SNX1: variants seen among roughly 807,000 people sequenced by gnomAD.
SNX1 encodes the protein sorting nexin-1.
Under a neutral mutation model 71.8 loss-of-function variants are expected in SNX1, and 36 were observed. The ratio of observed to expected loss-of-function variants is 0.50; its 90% CI spans 0.38 to 0.66. The LOEUF (loss-of-function observed/expected upper bound fraction) is 0.66. Ranked by LOEUF, SNX1 falls within the 30% of genes least tolerant of loss-of-function variation. The pLI, the probability that SNX1 is intolerant of heterozygous loss-of-function variation, is 0.00. For missense variants in SNX1, 612 were observed against 646.7 expected (o/e 0.95, Z 0.58); for synonymous variants, 254 against 240.7 (o/e 1.06, Z -0.51).
At chr15:64,104,160 A>G (rs1305578563) in intron 1 of SNX1, among the ~76,000 whole-genome samples, 1 of 152,216 alleles carries the variant, frequency 6.6e-6, no homozygotes, top group Non-Finnish European at 1.5e-5. Context: ...TGAAATACAT[A>G]AACTCATTAA....
rs1408663569 is a variant in SNX1, at chr15:64,096,267, G to T, written c.159+95G>T. The T allele has an allele frequency of 3.5e-6, 5 of 1,410,446 alleles. No homozygotes were observed. The South Asian group carries it at 6.5e-5, about 18-fold the overall frequency. The allele number at this position is 1,410,446 out of a possible 1,614,324, so 87.4% of individuals were successfully genotyped here. On this transcript the variant is annotated intron_variant, in intron 1 of 14. Transcript: ENST00000559844. ...CGGGGAGGTTGGGCAGAGTGGGCCC[G>T]GTGAGACCTTGCCTCGGTGTCAGCA...
At position 64,127,711 on chromosome 15, in the gene SNX1, G is replaced by C. The variant is rs1240523701; in HGVS notation, c.732-20G>C. On this transcript the variant is annotated intron_variant, in intron 7 of 14. Coordinates refer to ENST00000559844, the MANE Select transcript of SNX1 (RefSeq NM_003099.5). The stretch of plus-strand genomic sequence containing the variant: ...CTGAGGCCAGCTCAACTAACCAGAT[G>C]ATAACTGCTTACCTTTTAGGTACCT... 4 of 1,603,148 alleles carry C rather than the reference G, an allele frequency of 2.5e-6. No individual in the cohort carries two copies. Among genetic ancestry groups the C allele is most frequent in the Non-Finnish European group, 3.4e-6 (4 of 1,170,058 alleles).
At chr15:64,136,598 C>T (rs1222795095) in intron 13 of SNX1, among the ~76,000 whole-genome samples, 188 bp downstream of exon 13, 5 of 152,096 alleles carry the variant, frequency 3.3e-5, no homozygotes, top group African/African-American at 4.8e-5. Context: ...ACACTTGTGG[C>T]TGGACCACAG....
At chr15:64,127,503 A>G (rs2081265769) in intron 7 of SNX1, among the ~76,000 whole-genome samples, 1 of 152,204 alleles carries the variant, frequency 6.6e-6, no homozygotes, top group South Asian at 2.1e-4. Context: ...TCAAATATGA[A>G]TGGCTCTGAG....
chr15:64,112,808 T>A, intron 2 of SNX1, 124 bp downstream of exon 2: 1 of 575,854 alleles, frequency 1.7e-6, no homozygotes, highest in Non-Finnish European at 3.0e-6. Context: ...AGTACTTTTG[T>A]GGAGGATTCC....
chr15:64,109,719 G>A (rs1761258488), intron 1 of SNX1, among the ~76,000 whole-genome samples: 1 of 152,088 alleles, frequency 6.6e-6, no homozygotes, highest in Non-Finnish European at 1.5e-5. Context: ...TGTTGGCCAG[G>A]CTGGTCTCAA....
chr15:64,106,043 T>C (rs115321710), intron 1 of SNX1, among the ~76,000 whole-genome samples: 1,754 of 152,292 alleles, frequency 0.012, 32 homozygotes, highest in African/African-American at 0.041. Context: ...TAAATTAAAA[T>C]GATTTTACAT....
intron 10 of SNX1, among the ~76,000 whole-genome samples, chr15:64,130,641 C>T (rs1050141889): frequency 1.3e-5 from 2 of 152,192 alleles, no homozygotes; most frequent in Non-Finnish European, 2.9e-5. Context: ...CATGCTTGAG[C>T]TACATGGTCA....
At chr15:64,102,761 CTTTTTTTTTTTT>C (rs60616312) in intron 1 of SNX1, among the ~76,000 whole-genome samples, 20 of 76,410 alleles carry the variant, frequency 2.6e-4, no homozygotes, top group African/African-American at 4.3e-4. Flanking sequence ...ACCACGCCTT[CTTTTTTTTTTTT>C]TTTTTTTTTT....
At position 64,129,912 on chromosome 15, in the gene SNX1, G is replaced by C. The variant is rs188560743; in HGVS notation, c.808-4G>C. ...TTGCCATCCCTGCCTTCTTGGTCTT[G>C]TAGCTGCCACGTGCCGTGGGTACCC... On this transcript the variant is annotated splice_region_variant and splice_polypyrimidine_tract_variant and intron_variant, in intron 8 of 14. Coordinates refer to ENST00000559844, the MANE Select transcript of SNX1 (RefSeq NM_003099.5). The surrounding 1 kb of genome is among the most constrained non-coding windows in gnomAD (Gnocchi z 4.4). 3,695 of 1,612,146 alleles carry C rather than the reference G, an allele frequency of 2.3e-3. 17 individuals are homozygous for C. The highest frequency in any genetic ancestry group is 0.011 in the Middle Eastern group (67 of 6,000).
chr15:64,127,588 G>A, intron 7 of SNX1, 143 bp from the exon 8 acceptor site: 1 of 636,790 alleles, frequency 1.6e-6, no homozygotes, highest in Non-Finnish European at 2.8e-6. Context: ...TGCTTACAAG[G>A]AGAGACCTAC....
rs761270016 is a variant in SNX1, at chr15:64,112,612, C to A, written c.199C>A (p.Pro67Thr). 6.2e-6 allele frequency: 10 copies of A among 1,613,018 alleles called. No homozygotes were observed. The Admixed American group carries it at 6.7e-5, about 11-fold the overall frequency. Residue 67 changes from proline (P) to threonine (T), a missense_variant, in exon 2 of 15, where the codon CCC (proline) becomes ACC (threonine). Physicochemically the swap from Pro to Thr is conservative, Grantham distance 38. Around this residue, in one of 2 missense-constraint regions of SNX1, gnomAD observed 316 missense variants for 284.9 expected, o/e 1.11. Transcript: ENST00000559844. ...QSPKITTSLL[P>T]INNGSKENGI... The stretch of plus-strand genomic sequence containing the variant: ...TCCAAAGATAACTACATCCCTTCTT[C>A]CCATCAACAATGGCTCCAAAGAAAA...
At chr15:64,124,303 G>A (rs144666508) in intron 5 of SNX1, among the ~76,000 whole-genome samples, 2 of 150,996 alleles carry the variant, frequency 1.3e-5, no homozygotes, top group East Asian at 3.9e-4. Flanking sequence ...TCAGGAGATC[G>A]AGACCATCCT....
At position 64,142,497 on chromosome 15, in the gene SNX1, G is replaced by T. The variant is rs961057814; in HGVS notation, c.*4879G>T. 7.6e-5 allele frequency: 26 copies of T among 343,306 alleles called. No individual in the cohort carries two copies. Among genetic ancestry groups the T allele is most frequent in the Non-Finnish European group, 1.4e-4 (24 of 172,114 alleles). The allele number at this position is 343,306 out of a possible 1,614,324, so 21.3% of individuals were successfully genotyped here. ...CAGAGCCATGTTTGGAAGAAAATGG[G>T]GTCCAGAGCACAGGAAGGGGACCTG... is the stretch of plus-strand genomic sequence containing the variant. On this transcript the variant is annotated 3_prime_UTR_variant, in exon 15 of 15. Coordinates refer to ENST00000559844, the MANE Select transcript of SNX1 (RefSeq NM_003099.5).
chr15:64,128,454 G>A (rs1368488959), intron 8 of SNX1, among the ~76,000 whole-genome samples: 1 of 152,194 alleles, frequency 6.6e-6, no homozygotes, highest in African/African-American at 2.4e-5. Context: ...AAACACTGGA[G>A]TGAAATGTTT....
chr15:64,115,412 AT>A (rs149191022), intron 2 of SNX1, among the ~76,000 whole-genome samples: 2,195 of 152,322 alleles, frequency 0.014, 56 homozygotes, highest in African/African-American at 0.05. Context: ...TTTTTAAATA[AT>A]AAATCTAGTG....
At chr15:64,116,537 T>A (rs1169807628) in intron 2 of SNX1, among the ~76,000 whole-genome samples, 1 of 152,212 alleles carries the variant, frequency 6.6e-6, no homozygotes, top group Admixed American at 6.5e-5. Context: ...GTGATTAGAA[T>A]ACTGATCTGG....
Position 64,142,629 on chromosome 15 carries a change from G to C in SNX1, c.*5011G>C, listed in dbSNP as rs1206713541. ...TTGATAATTAAAATTTTCTGAGATA[G>C]GAATGTCATATTTACCTATTTAAGC... is the stretch of plus-strand genomic sequence containing the variant. On this transcript the variant is annotated 3_prime_UTR_variant, in exon 15 of 15. Coordinates refer to ENST00000559844, the MANE Select transcript of SNX1 (RefSeq NM_003099.5). 6.6e-6 allele frequency: 3 copies of C among 455,858 alleles called. No individual in the cohort carries two copies. The East Asian group carries it at 2.1e-4, about 32-fold the overall frequency. 28.2% of individuals were successfully genotyped at this position (455,858 alleles called of 1,614,324 possible). A position where few individuals can be genotyped will look rare whatever the true frequency, so the allele number is the denominator to read the frequency against.
Position 64,134,992 on chromosome 15 carries a change from C to T in SNX1, c.1365+185C>T, listed in dbSNP as rs1465719984. ...CTTCCTGAGGCCTAGTCCCCCTGTT[C>T]TTTTTCTACTCTACGCAGACTTGTC... is the stretch of plus-strand genomic sequence containing the variant. On this transcript the variant is annotated intron_variant, in intron 12 of 14. Coordinates refer to ENST00000559844, the MANE Select transcript of SNX1 (RefSeq NM_003099.5). The surrounding 1 kb of genome is among the most constrained non-coding windows in gnomAD (Gnocchi z 4.1). 1.5e-5 allele frequency: 10 copies of T among 682,884 alleles called. No individual in the cohort carries two copies. Among genetic ancestry groups the T allele is most frequent in the Non-Finnish European group, 2.4e-5 (10 of 418,596 alleles). The allele number at this position is 682,884 out of a possible 1,614,324, so 42.3% of individuals were successfully genotyped here.
Sources: gnomAD v4.1 joint callset for allele counts (sites outside exome capture counted in the v4.1 genomes callset) on GRCh38, gnomAD v4.1.1 for gene constraint, gnomAD v4.1.1 regional missense constraint, Gnocchi (gnomAD v3.1) non-coding constraint, MANE v1.5 for transcripts, NCBI Gene and HGNC (gene_info 2026-07-23, HGNC 2026-07-21) for gene names.